The following SCN7A variants were observed in gnomAD, a reference collection of about 807,000 sequenced individuals.
SCN7A encodes sodium voltage-gated channel alpha subunit 7, also known as sodium channel protein type 7 subunit alpha.
A neutral mutation model predicts 155.2 loss-of-function variants in SCN7A; 138 were observed. The observed-to-expected ratio is 0.89, with a 90% confidence interval of 0.77 to 1.02. The LOEUF is 1.02. SCN7A is among the 50% of genes least tolerant of loss of function. SCN7A has a pLI of 0.00. For synonymous variants in SCN7A, 693 were observed against 649.0 expected (o/e 1.07, Z -1.03); for missense variants, 2,058 against 1,986.6 (o/e 1.04, Z -0.68).
intron 9 of SCN7A, among the ~76,000 whole-genome samples, chr2:166,463,462 G>C (rs1040414610): frequency 9.9e-5 from 15 of 152,218 alleles, no homozygotes; most frequent in African/African-American, 3.6e-4. Flanking sequence ...CTGAGCAAAT[G>C]AAGTATTGTT....
At chr2:166,475,283 T>C (rs1027504781) in intron 3 of SCN7A, among the ~76,000 whole-genome samples, 2 of 148,726 alleles carry the variant, frequency 1.3e-5, no homozygotes, top group African/African-American at 4.9e-5. Context: ...TTATAACATA[T>C]AACATACTGA....
chr2:166,449,935 A>G lies in SCN7A; in HGVS notation c.1291-2227T>C, dbSNP rs574007657. Among the ~76,000 whole-genome samples the G allele has an allele frequency of 1.9e-3, 293 of 152,318 alleles. 2 individuals are homozygous for G. Among genetic ancestry groups the G allele is most frequent in the Non-Finnish European group, 3.4e-3 (234 of 68,026 alleles). On this transcript the variant is annotated intron_variant, in intron 11 of 25. Coordinates refer to ENST00000643258, the MANE Select transcript of SCN7A (RefSeq NM_002976.4). Reference sequence around the variant, plus strand: ...TTCTCAAATAACTTAAAACAGAGTTACCATTAGAGCCAGCACCCCCAATAC... The same window carrying G: ...TTCTCAAATAACTTAAAACAGAGTTGCCATTAGAGCCAGCACCCCCAATAC...
In SCN7A at chr2:166,409,947, A is replaced by G. The variant is rs1442817567; in HGVS notation, c.3712-12T>C. 4.5e-6 allele frequency: 7 copies of G among 1,548,392 alleles called. No individual in the cohort carries two copies. Among genetic ancestry groups the G allele is most frequent in the Middle Eastern group, 3.4e-4 (2 of 5,902 alleles). On this transcript the variant is annotated splice_polypyrimidine_tract_variant and intron_variant, in intron 24 of 25. Coordinates refer to ENST00000643258, the MANE Select transcript of SCN7A (RefSeq NM_002976.4). ...CCTTGGAGCTTGTTCTGTGGGTAAA[A>G]TCAACAGGTGTAATAGTCTTATTAA...
At position 166,433,943 on chromosome 2, in the gene SCN7A, G is replaced by T. The variant is rs80238955; in HGVS notation, c.2158-1191C>A. ...TTTTGACTTTTACTATCACTTAGAA[G>T]TATGATCAAGTACTGATCACTTTCC... On this transcript the variant is annotated intron_variant, in intron 15 of 25. Coordinates refer to ENST00000643258, the MANE Select transcript of SCN7A (RefSeq NM_002976.4). 5.2e-3 allele frequency among the ~76,000 whole-genome samples: 798 copies of T among 152,240 alleles called. 43 individuals carry two copies. In the East Asian group the frequency reaches 0.12, roughly 22 times the overall value.
Position 166,465,492 on chromosome 2 carries a change from G to A in SCN7A, c.911C>T (p.Ala304Val), listed in dbSNP as rs1349318919. The change falls in exon 9 of 26, where the codon GCT becomes GTT. Residue 304 changes from alanine (A) to valine (V), a missense_variant. Ala to Val is a moderately conservative substitution (Grantham distance 64). Coordinates refer to ENST00000643258, the MANE Select transcript of SCN7A (RefSeq NM_002976.4). ...NFYYLEGERY[A>V]LLCGNRTDAG... ...ATCTGTCCTGTTGCCACAAAGGAGAGCATATCTTTCTCCTTCCAAATAATA... is the reference window on the plus strand; with the variant it reads ...ATCTGTCCTGTTGCCACAAAGGAGAACATATCTTTCTCCTTCCAAATAATA... The A allele has an allele frequency of 6.2e-7, 1 of 1,609,752 alleles. No homozygotes were observed. The highest frequency in any genetic ancestry group is 1.7e-5 in the Admixed American group (1 of 59,578).
intron 21 of SCN7A, 88 bp downstream of exon 21, chr2:166,416,619 T>C: frequency 2.6e-6 from 3 of 1,141,428 alleles, no homozygotes; most frequent in Non-Finnish European, 3.7e-6. Flanking sequence ...TAACCAAATG[T>C]ATTAATCGCC....
In SCN7A at chr2:166,441,746, T is replaced by G; in HGVS notation, c.1807A>C (p.Ile603Leu). 6.3e-7 allele frequency: 1 copy of G among 1,597,892 alleles called. No individual in the cohort carries two copies. Among genetic ancestry groups the G allele is most frequent in the Non-Finnish European group, 8.5e-7 (1 of 1,173,314 alleles). Residue 603 changes from isoleucine (I) to leucine (L), a missense_variant, in exon 15 of 26, where the codon ATT (isoleucine) becomes CTT (leucine). Physicochemically the swap from Ile to Leu is conservative, Grantham distance 5 (BLOSUM62 2). Transcript: ENST00000643258. ...ALLRLFRMLR[I>L]FKLGKYWPTF... The stretch of plus-strand genomic sequence containing the variant: ...GGCCAATACTTTCCCAACTTGAAAA[T>G]TCTTAACTAATAGAGCAATGTAAAA...
chr2:166,424,980 T>G (rs1701590864), intron 18 of SCN7A, among the ~76,000 whole-genome samples: 1 of 152,022 alleles, frequency 6.6e-6, no homozygotes, highest in Non-Finnish European at 1.5e-5. Flanking sequence ...GAACTGCCTC[T>G]GCTAAACAAG....
intron 11 of SCN7A, among the ~76,000 whole-genome samples, chr2:166,453,645 T>A (rs1163357367): frequency 6.6e-6 from 1 of 152,200 alleles, no homozygotes; most frequent in Non-Finnish European, 1.5e-5. Context: ...TTGGCAAACA[T>A]CATTCATCTA....
chr2:166,414,031 T>A (rs28620879), intron 21 of SCN7A, among the ~76,000 whole-genome samples: 1,930 of 84,364 alleles, frequency 0.023, 101 homozygotes, highest in African/African-American at 0.056. Context: ...TAAATATATA[T>A]AAATATATTT....
At chr2:166,419,680 T>A (rs184334833) in intron 20 of SCN7A, among the ~76,000 whole-genome samples, 123 of 152,234 alleles carry the variant, frequency 8.1e-4, no homozygotes, top group African/African-American at 2.8e-3. Flanking sequence ...TTTGTCATTT[T>A]AACTTCAATC....
At chr2:166,434,811 T>C (rs112263006) in intron 15 of SCN7A, among the ~76,000 whole-genome samples, 1,841 of 152,260 alleles carry the variant, frequency 0.012, 31 homozygotes, top group African/African-American at 0.042. Context: ...GTTTCATGAC[T>C]GTAAGCTTCA....
chr2:166,491,335 C>T (rs980521238), intron 1 of SCN7A, among the ~76,000 whole-genome samples: 4 of 152,150 alleles, frequency 2.6e-5, no homozygotes, highest in African/African-American at 9.7e-5. Flanking sequence ...TCAGAGCCGT[C>T]CATTGAGCTG....
chr2:166,471,365 T>C (rs1459545804), intron 6 of SCN7A, among the ~76,000 whole-genome samples: 3 of 151,898 alleles, frequency 2.0e-5, no homozygotes, highest in Non-Finnish European at 2.9e-5. Context: ...AATTAATTTA[T>C]GTGAAGTACA....
intron 21 of SCN7A, among the ~76,000 whole-genome samples, chr2:166,416,124 G>A (rs760238331): frequency 1.1e-4 from 16 of 152,080 alleles, no homozygotes; most frequent in Admixed American, 6.6e-5. Context: ...AGTACCCTCA[G>A]GCTTACTAGG....
At chr2:166,429,674 T>A (rs1177871904) in intron 16 of SCN7A, among the ~76,000 whole-genome samples, 2 of 152,056 alleles carry the variant, frequency 1.3e-5, no homozygotes, top group African/African-American at 4.8e-5. Flanking sequence ...CATCCCTTGA[T>A]GCTAAAGATG....
chr2:166,405,599 G>A lies in SCN7A; in HGVS notation c.5030C>T (p.Pro1677Leu). Residue 1677 changes from proline to leucine, a missense_variant, in exon 26 of 26, where the codon CCT becomes CTT. Transcript: ENST00000643258. Reference protein sequence around the residue: ...AYFDKAKEKSPIQSQI With the variant: ...AYFDKAKEKSLIQSQI ...GTGGTATTAGATCTGGCTTTGAATAGGTGACTTTTCCTTAGCTTTGTCAAA... is the reference window on the plus strand; with the variant it reads ...GTGGTATTAGATCTGGCTTTGAATAAGTGACTTTTCCTTAGCTTTGTCAAA... 1 of 1,590,818 alleles carries A rather than the reference G, an allele frequency of 6.3e-7. No individual in the cohort carries two copies.
At chr2:166,415,130 G>T (rs1701345914) in intron 21 of SCN7A, among the ~76,000 whole-genome samples, 1 of 148,608 alleles carries the variant, frequency 6.7e-6, no homozygotes, top group Admixed American at 6.8e-5. Flanking sequence ...GGTAAAGATA[G>T]TTTGGGCCAG....
rs990139702 is a variant in SCN7A, at chr2:166,457,554, C to T, written c.1084-478G>A. ...CAGCAAAGTAAAAAATTAGTCTTTA[C>T]AAGGAATGGAGAGCAGGACTATTTC... is the stretch of plus-strand genomic sequence containing the variant. On this transcript the variant is annotated intron_variant, in intron 10 of 25. Transcript: ENST00000643258. Among the ~76,000 whole-genome samples, 4 of 152,022 alleles carry T rather than the reference C, an allele frequency of 2.6e-5. No individual in the cohort carries two copies. The East Asian group carries it at 5.8e-4, about 22-fold the overall frequency.
Sources: gnomAD v4.1 joint callset for allele counts (sites outside exome capture counted in the v4.1 genomes callset) on GRCh38, gnomAD v4.1.1 for gene constraint, MANE v1.5 for transcripts, NCBI Gene and HGNC (gene_info 2026-07-23, HGNC 2026-07-21) for gene names.